The following OPCML variants were observed in gnomAD, a reference collection of about 807,000 sequenced individuals.
The protein encoded by OPCML is opioid binding protein/cell adhesion molecule like, also known as opioid-binding protein/cell adhesion molecule.
A neutral mutation model predicts 37.8 loss-of-function variants in OPCML; 13 were observed. The observed-to-expected ratio is 0.34, with a 90% CI of 0.22 to 0.55. The LOEUF (loss-of-function observed/expected upper bound fraction) is 0.55. Ranked by LOEUF, OPCML falls within the 20% of genes least tolerant of loss-of-function variation. The probability of loss-of-function intolerance (pLI) is 0.91; values close to 1 mark genes in which losing one functional copy is unlikely to be tolerated. For missense variants in OPCML, 341 were observed against 435.6 expected (o/e 0.78, Z 1.93); for synonymous variants, 176 against 168.8 (o/e 1.04, Z -0.33).
At chr11:133,171,833 C>T in intron 1 of OPCML, among the ~76,000 whole-genome samples, 1 of 152,172 alleles carries the variant, frequency 6.6e-6, no homozygotes, top group East Asian at 1.9e-4. Context: ...GGTACAAGAA[C>T]CTCCTTAGGG....
chr11:132,423,345 T>C (rs1352797980), intron 7 of OPCML, among the ~76,000 whole-genome samples: 1 of 152,248 alleles, frequency 6.6e-6, no homozygotes, highest in Admixed American at 6.5e-5. Context: ...GGCTGGGCTA[T>C]TGTGGCCAGA....
At position 132,946,969 on chromosome 11, in the gene OPCML, T is replaced by A. The variant is rs112840407; in HGVS notation, c.62-3959A>T. On this transcript the variant is annotated intron_variant, in intron 1 of 7. Transcript: ENST00000524381. ...AGCTGAGAACCTGAGGCCGGGCTTA[T>A]GATTTTCTTCAGTTGCAGAGTTTGG... Among the ~76,000 whole-genome samples, 1,104 of 152,284 alleles carry A rather than the reference T, an allele frequency of 7.2e-3. 18 individuals are homozygous for A. Among genetic ancestry groups the A allele is most frequent in the African/African-American group, 0.026 (1,062 of 41,558 alleles).
At chr11:133,416,912 A>C (rs563333261) in intron 1 of OPCML, among the ~76,000 whole-genome samples, 1 of 152,102 alleles carries the variant, frequency 6.6e-6, no homozygotes, top group Admixed American at 6.5e-5. Flanking sequence ...GAGGGTTGAA[A>C]CTTTCAGCCC....
chr11:132,603,180 A>T (rs1938042822), intron 3 of OPCML, among the ~76,000 whole-genome samples: 1 of 151,536 alleles, frequency 6.6e-6, no homozygotes, highest in Admixed American at 6.6e-5. Flanking sequence ...TCCAGCCTAG[A>T]CTCTCCCAGA....
intron 2 of OPCML, among the ~76,000 whole-genome samples, chr11:132,878,154 C>T (rs1358343788): frequency 2.0e-5 from 3 of 150,446 alleles, no homozygotes; most frequent in Non-Finnish European, 4.4e-5. Context: ...TGTACTCCAG[C>T]CTGGGCGAGA....
intron 1 of OPCML, among the ~76,000 whole-genome samples, chr11:133,529,209 A>T (rs547805962): frequency 6.6e-6 from 1 of 152,368 alleles, no homozygotes; most frequent in African/African-American, 2.4e-5. Context: ...CTGGGATGCT[A>T]GTTCAAAATG....
At position 133,140,999 on chromosome 11, in the gene OPCML, ACG is replaced by A. The variant is rs1565468982; in HGVS notation, c.62-197991_62-197990del. Among the ~76,000 whole-genome samples, 29 of 5,244 alleles carry A rather than the reference ACG, an allele frequency of 5.5e-3. 11 individuals are homozygous for A. Among genetic ancestry groups the A allele is most frequent in the South Asian group, 0.047 (3 of 64 alleles). The allele number at this position is 5,244 out of a possible 152,430, so 3.4% of individuals were successfully genotyped here. On this transcript the variant is annotated intron_variant, in intron 1 of 7. Transcript: ENST00000524381. ...GAAGAAGAAGAAGAAGAAGAAGAAG[ACG>A]ACGACGACGACGACGACGACGACGA...
In OPCML at chr11:132,683,093, T is replaced by C. The variant is rs183310251; in HGVS notation, c.147-25774A>G. Among the ~76,000 whole-genome samples the C allele has an allele frequency of 2.1e-3, 326 of 152,354 alleles. 1 individual carries two copies. The highest frequency in any genetic ancestry group is 0.016 in the South Asian group (77 of 4,828). ...AGGAATTTTTATTTACTTTATGCTC[T>C]AATAGAGTATTAAAATACTTGTAAA... On this transcript the variant is annotated intron_variant, in intron 2 of 7. Coordinates refer to ENST00000524381, the MANE Select transcript of OPCML (RefSeq NM_001012393.5).
intron 2 of OPCML, among the ~76,000 whole-genome samples, chr11:132,688,273 G>T (rs1254452078): frequency 1.3e-5 from 2 of 151,872 alleles, no homozygotes; most frequent in Non-Finnish European, 2.9e-5. Flanking sequence ...CAAAGAAAAA[G>T]AAGTTGAATG....
At chr11:133,055,726 G>A (rs561450672) in intron 1 of OPCML, among the ~76,000 whole-genome samples, 73 of 141,924 alleles carry the variant, frequency 5.1e-4, no homozygotes, top group South Asian at 1.4e-3. Context: ...CACCTCTATC[G>A]TACAATGCTG....
intron 1 of OPCML, among the ~76,000 whole-genome samples, chr11:133,121,040 A>G (rs189277205): frequency 3.3e-5 from 5 of 152,236 alleles, no homozygotes. Context: ...CTCATGCCTT[A>G]GCCTCCCAAG....
intron 1 of OPCML, among the ~76,000 whole-genome samples, chr11:133,134,488 G>C (rs1367351402): frequency 2.0e-5 from 3 of 151,618 alleles, no homozygotes; most frequent in Non-Finnish European, 4.4e-5. Flanking sequence ...GGGTGAGTGA[G>C]CTGCATATGG....
At chr11:133,075,063 C>A (rs1043988420) in intron 1 of OPCML, among the ~76,000 whole-genome samples, 12 of 152,160 alleles carry the variant, frequency 7.9e-5, no homozygotes, top group African/African-American at 2.9e-4. Flanking sequence ...GGACGTCAGC[C>A]TCTCACGCGT....
chr11:133,490,919 T>C (rs760669337), intron 1 of OPCML, among the ~76,000 whole-genome samples: 6 of 152,214 alleles, frequency 3.9e-5, no homozygotes, highest in Non-Finnish European at 5.9e-5. Context: ...AGTTTATTCT[T>C]TAACTGCCAA....
intron 3 of OPCML, among the ~76,000 whole-genome samples, chr11:132,570,802 T>TATATATA (rs1591566397): frequency 3.7e-5 from 3 of 82,186 alleles, no homozygotes; most frequent in African/African-American, 1.1e-4. Context: ...TATATATATA[T>TATATATA]TTAGAGAGAG....
At chr11:133,255,217 T>C (rs1444213152) in intron 1 of OPCML, among the ~76,000 whole-genome samples, 2 of 152,296 alleles carry the variant, frequency 1.3e-5, no homozygotes, top group Non-Finnish European at 2.9e-5. Context: ...GGAATTAAAG[T>C]GTGAAGCACG....
chr11:133,018,588 G>A (rs1947382690), intron 1 of OPCML, among the ~76,000 whole-genome samples: 1 of 152,176 alleles, frequency 6.6e-6, no homozygotes, highest in Admixed American at 6.5e-5. Context: ...GAGGAAAAGG[G>A]ACCTGAATTG....
intron 1 of OPCML, among the ~76,000 whole-genome samples, chr11:132,970,978 C>T (rs1473422030): frequency 6.6e-6 from 1 of 152,168 alleles, no homozygotes; most frequent in Non-Finnish European, 1.5e-5. Flanking sequence ...TCTAGCTCCT[C>T]AGGTAGACCA....
chr11:132,935,622 CTTTGA>C (rs1412813078), intron 2 of OPCML, among the ~76,000 whole-genome samples: 1 of 152,190 alleles, frequency 6.6e-6, no homozygotes, highest in Non-Finnish European at 1.5e-5. Flanking sequence ...TTCAGCATCT[CTTTGA>C]TTTAAGTATT....
Sources: gnomAD v4.1 joint callset for allele counts (sites outside exome capture counted in the v4.1 genomes callset) on GRCh38, gnomAD v4.1.1 for gene constraint, MANE v1.5 for transcripts, NCBI Gene and HGNC (gene_info 2026-07-23, HGNC 2026-07-21) for gene names.